Variants in NOX4 observed in about 807,000 individuals in gnomAD.
NOX4 encodes the protein kidney oxidase-1.
In NOX4, 69 loss-of-function variants were observed where a neutral mutation model predicts 87.6. The ratio of observed to expected loss-of-function variants is 0.79; its 90% CI spans 0.65 to 0.96. The LOEUF (loss-of-function observed/expected upper bound fraction) is 0.96, where lower values mean the gene tolerates loss of function less well. Among genes scored for constraint, NOX4 ranks in the 40% least tolerant of loss-of-function variants. The probability of loss-of-function intolerance (pLI) is 0.00; values close to 1 mark genes in which losing one functional copy is unlikely to be tolerated. For missense variants in NOX4, 680 were observed against 681.5 expected (o/e 1.00, Z 0.02); for synonymous variants, 275 against 238.2 (o/e 1.15, Z -1.42).
chr11:89,540,789 A>G, the NOX4 span, among the ~76,000 whole-genome samples: 1 of 10,934 alleles, frequency 9.1e-5, no homozygotes, highest in Non-Finnish European at 1.9e-4. Flanking sequence ...CTCCGTCTAA[A>G]AAAAAAAAAA....
At chr11:89,560,581 G>C in the NOX4 span, among the ~76,000 whole-genome samples, 3 of 151,980 alleles carry the variant, frequency 2.0e-5, no homozygotes, top group African/African-American at 7.2e-5. Flanking sequence ...ATTGTGAGTT[G>C]GTTGACTGAA....
chr11:89,438,773 TAATATA>T (rs1944250884), intron 6 of NOX4, among the ~76,000 whole-genome samples: 4 of 34,920 alleles, frequency 1.1e-4, no homozygotes, highest in African/African-American at 4.4e-4. Flanking sequence ...TATAATATAA[TAATATA>T]ATAATATATA....
chr11:89,374,729 G>A (rs1233905365), intron 11 of NOX4, among the ~76,000 whole-genome samples: 3 of 151,928 alleles, frequency 2.0e-5, no homozygotes, highest in Non-Finnish European at 4.4e-5. Context: ...CGAAATAGGA[G>A]GAAAAAAGGC....
chr11:89,387,736 G>C (rs1433670036), intron 11 of NOX4, among the ~76,000 whole-genome samples: 1 of 152,144 alleles, frequency 6.6e-6, no homozygotes, highest in African/African-American at 2.4e-5. Flanking sequence ...ACATTTTGTA[G>C]GAAGCACTAG....
intron 1 of NOX4, 176 bp from the exon 2 acceptor site, chr11:89,490,729 T>G (rs1451586382): frequency 1.4e-6 from 1 of 704,006 alleles, no homozygotes; most frequent in Admixed American, 2.0e-5. Context: ...GGAAAACAAA[T>G]CTGACTTTAC....
chr11:89,536,381 C>T, the NOX4 span, among the ~76,000 whole-genome samples: 1 of 151,820 alleles, frequency 6.6e-6, no homozygotes, highest in Non-Finnish European at 1.5e-5. Flanking sequence ...CTCCTGACTT[C>T]GTGATCCGCC....
At chr11:89,522,017 A>T in the NOX4 span, among the ~76,000 whole-genome samples, 1 of 152,050 alleles carries the variant, frequency 6.6e-6, no homozygotes, top group African/African-American at 2.4e-5. Flanking sequence ...TGTTAGAAAG[A>T]AAAAACAGCA....
At position 89,467,349 on chromosome 11, in the gene NOX4, C is replaced by CAAAAAAAAAAA. The variant is rs71052233; in HGVS notation, c.154-15465_154-15455dup. 2.1e-3 allele frequency among the ~76,000 whole-genome samples: 128 copies of CAAAAAAAAAAA among 61,450 alleles called. 4 individuals carry two copies. Among genetic ancestry groups the CAAAAAAAAAAA allele is most frequent in the African/African-American group, 7.1e-3 (125 of 17,608 alleles). The allele number at this position is 61,450 out of a possible 152,430, so 40.3% of individuals were successfully genotyped here. A position where few individuals can be genotyped will look rare whatever the true frequency, so the allele number is the denominator to read the frequency against. On this transcript the variant is annotated intron_variant, in intron 2 of 17. Coordinates refer to ENST00000263317, the MANE Select transcript of NOX4 (RefSeq NM_016931.5). ...CTGGGCGACAGAGCCAAACTCGTCA[C>CAAAAAAAAAAA]AAAAAAAAAAAAAAAAAAAAAAAAA... is the stretch of plus-strand genomic sequence containing the variant.
At chr11:89,476,301 T>C (rs1946164545) in intron 2 of NOX4, among the ~76,000 whole-genome samples, 1 of 152,148 alleles carries the variant, frequency 6.6e-6, no homozygotes, top group Non-Finnish European at 1.5e-5. Flanking sequence ...ACTGTAACTA[T>C]ATATATGTAG....
chr11:89,526,646 T>G, the NOX4 span, among the ~76,000 whole-genome samples: 1 of 152,030 alleles, frequency 6.6e-6, no homozygotes, highest in African/African-American at 2.4e-5. Context: ...GAGCTGACGG[T>G]TTTTTAAGGG....
intron 8 of NOX4, among the ~76,000 whole-genome samples, chr11:89,413,700 A>T (rs1369880069): frequency 6.6e-6 from 1 of 152,106 alleles, no homozygotes; most frequent in African/African-American, 2.4e-5. Flanking sequence ...AGTGGGGATG[A>T]GTATTGGTTA....
intron 8 of NOX4, among the ~76,000 whole-genome samples, chr11:89,404,340 G>T (rs183623319): frequency 6.6e-6 from 1 of 152,090 alleles, no homozygotes; most frequent in Non-Finnish European, 1.5e-5. Flanking sequence ...GAACAGACAT[G>T]AGCATAATGC....
intron 8 of NOX4, among the ~76,000 whole-genome samples, chr11:89,408,089 T>C (rs947531785): frequency 6.6e-6 from 1 of 152,130 alleles, no homozygotes; most frequent in Non-Finnish European, 1.5e-5. Context: ...AAAACCAAAT[T>C]GTGTATTTTA....
intron 13 of NOX4, among the ~76,000 whole-genome samples, chr11:89,347,591 A>C (rs1161058361): frequency 6.6e-6 from 1 of 152,228 alleles, no homozygotes; most frequent in Non-Finnish European, 1.5e-5. Context: ...AAAGATGCTC[A>C]GATTGCCACT....
At chr11:89,369,396 C>T (rs1939268713) in intron 12 of NOX4, among the ~76,000 whole-genome samples, 1 of 152,062 alleles carries the variant, frequency 6.6e-6, no homozygotes, top group Non-Finnish European at 1.5e-5. Context: ...AAATGATAAA[C>T]TCCCCATGGA....
At chr11:89,578,020 T>C in the NOX4 span, among the ~76,000 whole-genome samples, 1 of 152,134 alleles carries the variant, frequency 6.6e-6, no homozygotes, top group Non-Finnish European at 1.5e-5. Flanking sequence ...AGGTATCCAA[T>C]ACCGTATGTT....
At chr11:89,373,652 A>T (rs1939624400) in intron 11 of NOX4, among the ~76,000 whole-genome samples, 160 bp from the exon 12 acceptor site, 2 of 152,204 alleles carry the variant, frequency 1.3e-5, no homozygotes, top group South Asian at 4.1e-4. Flanking sequence ...GAAGAAAAAA[A>T]AATCAATGTC....
intron 7 of NOX4, among the ~76,000 whole-genome samples, chr11:89,432,541 C>G (rs1943856613): frequency 6.6e-6 from 1 of 152,006 alleles, no homozygotes; most frequent in African/African-American, 2.4e-5. Flanking sequence ...CTGAAGAACT[C>G]TAATTCTTTT....
chr11:89,465,610 A>G (rs116956736), intron 2 of NOX4, among the ~76,000 whole-genome samples: 1,880 of 152,196 alleles, frequency 0.012, 25 homozygotes, highest in South Asian at 0.038. Flanking sequence ...GTCTAAAAGC[A>G]TTCTATTTCT....
Sources: allele counts gnomAD v4.1 joint callset (sites outside exome capture counted in the v4.1 genomes callset), GRCh38; gene constraint gnomAD v4.1.1; transcripts MANE v1.5; gene names NCBI Gene and HGNC (gene_info 2026-07-23, HGNC 2026-07-21).